Variants in APTX observed in about 807,000 individuals in gnomAD.
The protein encoded by APTX is aprataxin, also known as forkhead-associated domain histidine triad-like protein.
Under a neutral mutation model 42.3 loss-of-function variants are expected in APTX, and 33 were observed. That is an observed-to-expected ratio of 0.78 (90% CI 0.59 to 1.04). The LOEUF (loss-of-function observed/expected upper bound fraction) is 1.04, where lower values mean the gene tolerates loss of function less well. Among genes scored for constraint, APTX ranks in the 50% least tolerant of loss-of-function variants. The probability of loss-of-function intolerance (pLI) is 0.00; values close to 1 mark genes in which losing one functional copy is unlikely to be tolerated. For synonymous variants in APTX, 130 were observed against 146.7 expected, an observed-to-expected ratio of 0.89 and a Z score of 0.82; for missense variants, 421 against 415.1, an observed-to-expected ratio of 1.01 and a Z score of -0.12.
At chr9:33,008,976 ACCCTGTAAATTCACTTTAAAATCTT>A (rs1196566409) in intron 1 of APTX, among the ~76,000 whole-genome samples, 6 of 152,190 alleles carry the variant, frequency 3.9e-5, no homozygotes, top group Non-Finnish European at 7.3e-5. Context: ...TAAAAACTAC[ACCCTGTAAATTCACTTTAAAATCTT>A]CCAACTATAA....
chr9:33,017,927 C>CG, intron 1 of APTX, among the ~76,000 whole-genome samples: 1 of 50,522 alleles, frequency 2.0e-5, no homozygotes, highest in Admixed American at 1.7e-4. Context: ...TAGCAACCAG[C>CG]GCCCCCCCCC....
intron 1 of APTX, among the ~76,000 whole-genome samples, chr9:33,009,515 A>T (rs1289483384): frequency 6.6e-6 from 1 of 152,170 alleles, no homozygotes; most frequent in Non-Finnish European, 1.5e-5. Flanking sequence ...AATATTTCAC[A>T]TGCCTGTAAT....
upstream of APTX, among the ~76,000 whole-genome samples, chr9:33,006,333 T>C (rs1471450190): frequency 6.6e-6 from 1 of 152,218 alleles, no homozygotes; most frequent in Non-Finnish European, 1.5e-5. Context: ...TCAATAAATC[T>C]AGCCAAGTCT....
In APTX at chr9:32,989,756, T is replaced by TA. The variant is rs1317492758; in HGVS notation, c.133+2dup. 6.2e-7 allele frequency: 1 copy of TA among 1,614,112 alleles called. No homozygotes were observed. The highest frequency in any genetic ancestry group is 8.5e-7 in the Non-Finnish European group (1 of 1,180,042). On this transcript the variant is annotated splice_region_variant and intron_variant, in intron 2 of 7. Coordinates refer to ENST00000379817, the MANE Select transcript of APTX (RefSeq NM_001195248.2). The stretch of plus-strand genomic sequence containing the variant: ...TAATCTCCACATTTCTATGACCAGT[T>TA]ACCTTGCTGTCGAGAACATTTCTTA...
At chr9:32,974,326 C>A (rs1828797319) in intron 7 of APTX, 132 bp downstream of exon 7, 7 of 674,792 alleles carry the variant, frequency 1.0e-5, no homozygotes, top group East Asian at 2.8e-5. Flanking sequence ...TTTCACAGGG[C>A]TCGCTTTATA....
At chr9:32,985,612 A>G (rs1227822835) in intron 5 of APTX, among the ~76,000 whole-genome samples, 1 of 152,144 alleles carries the variant, frequency 6.6e-6, no homozygotes, top group Admixed American at 6.5e-5. Flanking sequence ...CTGGGATTAC[A>G]GGGATGTCTG....
intron 1 of APTX, among the ~76,000 whole-genome samples, chr9:33,007,542 GGACAA>G (rs1392282759): frequency 6.6e-6 from 1 of 152,108 alleles, no homozygotes; most frequent in Non-Finnish European, 1.5e-5. Flanking sequence ...AGCATCAACT[GGACAA>G]GACAAAACAT....
intron 1 of APTX, 29 bp downstream of exon 1, chr9:33,001,538 C>G (rs1324211452): frequency 9.9e-6 from 16 of 1,613,400 alleles, no homozygotes; most frequent in Admixed American, 1.7e-5. Context: ...GCCCAGCCAG[C>G]AGAAGAGATA....
intron 1 of APTX, among the ~76,000 whole-genome samples, chr9:33,008,164 T>G (rs1459473878): frequency 6.6e-6 from 1 of 151,968 alleles, no homozygotes; most frequent in Admixed American, 6.6e-5. Context: ...CACATGGGGG[T>G]AAATCTGAGG....
intron 1 of APTX, among the ~76,000 whole-genome samples, chr9:32,991,237 A>G (rs1292911289): frequency 6.6e-6 from 1 of 152,090 alleles, no homozygotes; most frequent in African/African-American, 2.4e-5. Flanking sequence ...CAAACCTACA[A>G]TTTCTAAAGT....
intron 6 of APTX, among the ~76,000 whole-genome samples, chr9:32,979,227 T>C (rs1418603154): frequency 1.3e-5 from 2 of 152,124 alleles, no homozygotes; most frequent in African/African-American, 4.8e-5. Flanking sequence ...GTGTCTGTCA[T>C]TCCCTGCTTT....
At chr9:33,012,710 C>G (rs1462429776) in intron 1 of APTX, among the ~76,000 whole-genome samples, 1 of 152,184 alleles carries the variant, frequency 6.6e-6, no homozygotes, top group Non-Finnish European at 1.5e-5. Context: ...AACAGAGATG[C>G]ACTATCCCTG....
chr9:32,978,330 T>C (rs1829936443), intron 6 of APTX, among the ~76,000 whole-genome samples: 3 of 152,228 alleles, frequency 2.0e-5, no homozygotes, highest in Admixed American at 2.0e-4. Context: ...ACAAGGTAGA[T>C]CAGGGAATTT....
At chr9:32,992,061 G>C (rs1833771133) in intron 1 of APTX, among the ~76,000 whole-genome samples, 1 of 152,084 alleles carries the variant, frequency 6.6e-6, no homozygotes, top group South Asian at 2.1e-4. Flanking sequence ...AAGAGAGAGA[G>C]GATGAGATCA....
At chr9:33,000,952 C>T (rs1836271829) in intron 1 of APTX, among the ~76,000 whole-genome samples, 1 of 145,104 alleles carries the variant, frequency 6.9e-6, no homozygotes, top group African/African-American at 2.5e-5. Context: ...GGTTCAAGAA[C>T]GTCTCCTGCC....
intron 1 of APTX, among the ~76,000 whole-genome samples, chr9:33,024,414 G>C (rs1838675080): frequency 6.6e-6 from 1 of 152,246 alleles, no homozygotes; most frequent in South Asian, 2.1e-4. Flanking sequence ...CCATTTTCAA[G>C]TCCGAGGTCT....
At chr9:33,011,088 A>G (rs1202635078) in intron 1 of APTX, among the ~76,000 whole-genome samples, 1 of 151,610 alleles carries the variant, frequency 6.6e-6, no homozygotes, top group Non-Finnish European at 1.5e-5. Flanking sequence ...GGTTGTAGTG[A>G]GCTGAGATCG....
intron 6 of APTX, among the ~76,000 whole-genome samples, chr9:32,979,029 T>C (rs1830096421): frequency 6.6e-6 from 1 of 152,202 alleles, no homozygotes. Context: ...TTAATATATT[T>C]AATATAGGTA....
At chr9:32,995,420 T>A (rs889927934) in intron 1 of APTX, among the ~76,000 whole-genome samples, 1 of 152,188 alleles carries the variant, frequency 6.6e-6, no homozygotes, top group African/African-American at 2.4e-5. Flanking sequence ...ACTCCCAATA[T>A]AGCAGAAATA....
Sources: allele counts gnomAD v4.1 joint callset (sites outside exome capture counted in the v4.1 genomes callset), GRCh38; gene constraint gnomAD v4.1.1; transcripts MANE v1.5; gene names NCBI Gene and HGNC (gene_info 2026-07-23, HGNC 2026-07-21).